LRRIQ1: variants seen among roughly 807,000 people sequenced by gnomAD.
LRRIQ1 encodes leucine-rich repeat- and IQ domain-containing protein 1.
A neutral mutation model predicts 211.9 loss-of-function variants in LRRIQ1; 210 were observed. That is an observed-to-expected ratio of 0.99 (90% CI 0.89 to 1.11). LRRIQ1 has a LOEUF of 1.11. Among genes scored for constraint, LRRIQ1 ranks in the 50% most tolerant of loss-of-function variants. The probability of loss-of-function intolerance (pLI) is 0.00; values close to 1 mark genes in which losing one functional copy is unlikely to be tolerated. For synonymous variants in LRRIQ1, 699 were observed against 650.1 expected (o/e 1.08, Z -1.14); for missense variants, 2,136 against 1,939.5 (o/e 1.10, Z -1.90).
intron 15 of LRRIQ1, among the ~76,000 whole-genome samples, chr12:85,119,797 G>A (rs948539059): frequency 6.6e-6 from 1 of 152,056 alleles, no homozygotes; most frequent in African/African-American, 2.4e-5. Flanking sequence ...TTATATGCTG[G>A]CTTGTCATCT....
chr12:85,203,604 G>C (rs1187343783), intron 24 of LRRIQ1, among the ~76,000 whole-genome samples: 1 of 152,116 alleles, frequency 6.6e-6, no homozygotes, highest in Non-Finnish European at 1.5e-5. Flanking sequence ...TGAGGAATTT[G>C]TTGGGAACTG....
chr12:85,153,954 A>G lies in LRRIQ1; in HGVS notation c.4638-58A>G, dbSNP rs547975455. On this transcript the variant is annotated intron_variant, in intron 22 of 26. Transcript: ENST00000393217. ...GATATGCATGTCTATTTTTATATGCATATCTAAATATGATCCGGGTATTTG... is the reference window on the plus strand; with the variant it reads ...GATATGCATGTCTATTTTTATATGCGTATCTAAATATGATCCGGGTATTTG... 5.9e-5 allele frequency: 69 copies of G among 1,160,972 alleles called. No homozygotes were observed. The African/African-American group carries it at 7.7e-4, about 13-fold the overall frequency. 71.9% of individuals were successfully genotyped at this position (1,160,972 alleles called of 1,614,324 possible). A position where few individuals can be genotyped will look rare whatever the true frequency, so the allele number is the denominator to read the frequency against.
intron 26 of LRRIQ1, among the ~76,000 whole-genome samples, chr12:85,240,444 G>T (rs1225533574): frequency 6.6e-6 from 1 of 152,042 alleles, no homozygotes; most frequent in Non-Finnish European, 1.5e-5. Context: ...AGCTTTATAA[G>T]CTTCTTATAA....
chr12:85,232,558 T>C (rs1894992640), intron 25 of LRRIQ1, 138 bp from the exon 26 acceptor site: 4 of 682,774 alleles, frequency 5.9e-6, no homozygotes, highest in East Asian at 2.8e-5. Flanking sequence ...TATTTTTACT[T>C]ATAACCTAAT....
At chr12:85,248,566 A>G (rs1198524746), downstream of LRRIQ1, among the ~76,000 whole-genome samples, 1 of 151,674 alleles carries the variant, frequency 6.6e-6, no homozygotes, top group Non-Finnish European at 1.5e-5. Flanking sequence ...TTGAAAACCC[A>G]CAATACCTCT....
chr12:85,185,543 A>G (rs1447543415), intron 24 of LRRIQ1, among the ~76,000 whole-genome samples: 3 of 151,958 alleles, frequency 2.0e-5, no homozygotes, highest in African/African-American at 7.2e-5. Context: ...TACAGCAATA[A>G]CAAAAATTAT....
At chr12:85,069,830 T>A (rs1882879542) in intron 10 of LRRIQ1, among the ~76,000 whole-genome samples, 2 of 152,150 alleles carry the variant, frequency 1.3e-5, no homozygotes, top group Non-Finnish European at 2.9e-5. Flanking sequence ...TTGTAGATTC[T>A]GGATATTAGC....
At chr12:85,051,378 C>T (rs898267863) in intron 6 of LRRIQ1, among the ~76,000 whole-genome samples, 1 of 152,120 alleles carries the variant, frequency 6.6e-6, no homozygotes, top group Admixed American at 6.6e-5. Flanking sequence ...TTTACAGCAA[C>T]ACACTAATAT....
chr12:85,099,660 C>CA (rs1886189853), intron 13 of LRRIQ1, among the ~76,000 whole-genome samples: 1 of 151,736 alleles, frequency 6.6e-6, no homozygotes, highest in African/African-American at 2.4e-5. Context: ...ATTTCTTCAT[C>CA]AAAGGCACAA....
intron 19 of LRRIQ1, 25 bp downstream of exon 19, chr12:85,137,994 A>ATAC (rs1312376207): frequency 3.2e-6 from 4 of 1,244,522 alleles, no homozygotes; most frequent in Non-Finnish European, 4.5e-6. Flanking sequence ...TAGTATATAA[A>ATAC]TATTGGTCTT....
Position 85,125,480 on chromosome 12 carries a change from A to G in LRRIQ1, c.4007+961A>G, listed in dbSNP as rs1888312528. Among the ~76,000 whole-genome samples the G allele has an allele frequency of 2.6e-5, 4 of 152,168 alleles. No homozygotes were observed. In the South Asian group the frequency reaches 8.3e-4, roughly 31 times the overall value. On this transcript the variant is annotated intron_variant, in intron 17 of 26. Transcript: ENST00000393217. The stretch of plus-strand genomic sequence containing the variant: ...CTTTTTACTTTTGGCCTCAGAGTCA[A>G]GCTAAGAAAAGAAAAATTGCTCAGA...
At chr12:85,153,940 CTA>C in intron 22 of LRRIQ1, 70 bp from the exon 23 acceptor site, 1 of 1,064,952 alleles carries the variant, frequency 9.4e-7, no homozygotes, top group Non-Finnish European at 1.3e-6. Flanking sequence ...ATATGCATGT[CTA>C]TTTTTATATG....
chr12:85,160,321 A>G (rs1298171162), intron 23 of LRRIQ1, among the ~76,000 whole-genome samples: 4 of 151,954 alleles, frequency 2.6e-5, no homozygotes, highest in African/African-American at 9.7e-5. Context: ...TTCTTATTCC[A>G]TTAGTTGTCT....
At chr12:85,089,802 T>C (rs1297779623) in intron 11 of LRRIQ1, among the ~76,000 whole-genome samples, 1 of 152,136 alleles carries the variant, frequency 6.6e-6, no homozygotes, top group Non-Finnish European at 1.5e-5. Flanking sequence ...GTCTGGCATA[T>C]GGTAGAGAAA....
chr12:85,072,621 G>T (rs1001555110), intron 10 of LRRIQ1, among the ~76,000 whole-genome samples: 23 of 149,840 alleles, frequency 1.5e-4, no homozygotes, highest in Non-Finnish European at 3.0e-4. Context: ...TATCTTTTTC[G>T]TAAATTTTAG....
At chr12:85,089,371 T>C (rs180986357) in intron 11 of LRRIQ1, among the ~76,000 whole-genome samples, 1 of 152,300 alleles carries the variant, frequency 6.6e-6, no homozygotes, top group East Asian at 1.9e-4. Context: ...CAGGGAGACA[T>C]TCAAAGAGTT....
intron 20 of LRRIQ1, 21 bp from the exon 21 acceptor site, chr12:85,153,003 A>G: frequency 6.6e-7 from 1 of 1,516,862 alleles, no homozygotes; most frequent in Non-Finnish European, 9.0e-7. Context: ...CTTCACACTT[A>G]TTTACTTTTT....
intron 24 of LRRIQ1, among the ~76,000 whole-genome samples, chr12:85,164,042 T>A (rs1891033846): frequency 1.3e-5 from 2 of 152,188 alleles, no homozygotes; most frequent in Non-Finnish European, 2.9e-5. Context: ...TTTTATTTAT[T>A]TGTTTATTTA....
At chr12:85,211,990 A>G (rs1893858697) in intron 24 of LRRIQ1, among the ~76,000 whole-genome samples, 1 of 152,142 alleles carries the variant, frequency 6.6e-6, no homozygotes, top group African/African-American at 2.4e-5. Flanking sequence ...ATGGGGGCCA[A>G]GCATGGTGGT....
Sources: allele counts gnomAD v4.1 joint callset (sites outside exome capture counted in the v4.1 genomes callset), GRCh38; gene constraint gnomAD v4.1.1; transcripts MANE v1.5; gene names NCBI Gene and HGNC (gene_info 2026-07-23, HGNC 2026-07-21).